GRM7: variants seen among roughly 807,000 people sequenced by gnomAD.
GRM7 encodes metabotropic glutamate receptor 7.
Under a neutral mutation model 84.5 loss-of-function variants are expected in GRM7, and 35 were observed. That is an observed-to-expected ratio of 0.41 (90% confidence interval 0.32 to 0.55). The LOEUF is 0.55. GRM7 is among the 20% of genes least tolerant of loss of function. GRM7 has a pLI of 0.19. For synonymous variants in GRM7, 487 were observed against 455.1 expected, an observed-to-expected ratio of 1.07 and a Z score of -0.89; for missense variants, 1,003 against 1,194.6, an observed-to-expected ratio of 0.84 and a Z score of 2.36.
intron 1 of GRM7, among the ~76,000 whole-genome samples, chr3:7,082,179 C>T (rs1574876855): frequency 6.6e-6 from 1 of 152,012 alleles, no homozygotes; most frequent in Non-Finnish European, 1.5e-5. Flanking sequence ...GAAATCAATG[C>T]CTGACTTCAA....
chr3:7,390,327 C>G (rs1266041984), intron 4 of GRM7, among the ~76,000 whole-genome samples: 4 of 151,876 alleles, frequency 2.6e-5, no homozygotes, highest in Non-Finnish European at 4.4e-5. Context: ...CATTATGTGC[C>G]TTGGGGTTGA....
chr3:7,480,747 A>G (rs76819383), intron 7 of GRM7, among the ~76,000 whole-genome samples: 2,179 of 152,280 alleles, frequency 0.014, 17 homozygotes, highest in Middle Eastern at 0.054. Flanking sequence ...ACTTTGCTGT[A>G]CATTCAGATC....
chr3:7,711,821 C>T (rs1312086438), intron 9 of GRM7, among the ~76,000 whole-genome samples: 1 of 152,212 alleles, frequency 6.6e-6, no homozygotes, highest in Non-Finnish European at 1.5e-5. Context: ...CAAGCCACTC[C>T]AAGGTGTTTC....
At chr3:6,958,634 C>A (rs17046466) in intron 1 of GRM7, among the ~76,000 whole-genome samples, 2 of 152,036 alleles carry the variant, frequency 1.3e-5, no homozygotes, top group Admixed American at 6.6e-5. Context: ...CTTACATAAC[C>A]GATGTCTGAC....
intron 4 of GRM7, among the ~76,000 whole-genome samples, chr3:7,344,967 T>A (rs553204970): frequency 6.6e-6 from 1 of 152,180 alleles, no homozygotes; most frequent in Non-Finnish European, 1.5e-5. Context: ...GTGATAGATA[T>A]GCTAATTATT....
At chr3:7,259,486 G>C (rs1698328453) in intron 2 of GRM7, among the ~76,000 whole-genome samples, 1 of 151,884 alleles carries the variant, frequency 6.6e-6, no homozygotes, top group Admixed American at 6.6e-5. Context: ...CCCCCTCTTT[G>C]TGTCCATGTG....
intron 4 of GRM7, among the ~76,000 whole-genome samples, chr3:7,317,629 A>T (rs1248029103): frequency 1.3e-5 from 2 of 152,126 alleles, no homozygotes; most frequent in Non-Finnish European, 2.9e-5. Flanking sequence ...TTGTGACAAA[A>T]AATAGCTAGG....
In GRM7 at chr3:7,237,493, G is replaced by A. The variant is rs1041727663; in HGVS notation, c.737-61191G>A. ...TGACTTCAAGCATGAAGCCGTGGAC[G>A]CTCGTGGTGAGTGTTACAGTTCTTA... On this transcript the variant is annotated intron_variant, in intron 2 of 9. Transcript: ENST00000357716. Among the ~76,000 whole-genome samples the A allele has an allele frequency of 2.0e-5, 3 of 151,968 alleles. No individual in the cohort carries two copies. The East Asian group carries it at 5.8e-4, about 29-fold the overall frequency.
At chr3:7,563,618 T>C (rs1003205726) in intron 7 of GRM7, among the ~76,000 whole-genome samples, 1 of 152,048 alleles carries the variant, frequency 6.6e-6, no homozygotes, top group African/African-American at 2.4e-5. Context: ...GTAAATAAAA[T>C]AATATAAATA....
At chr3:7,001,710 C>T (rs7621755) in intron 1 of GRM7, among the ~76,000 whole-genome samples, 5 of 152,110 alleles carry the variant, frequency 3.3e-5, no homozygotes, top group African/African-American at 9.7e-5. Context: ...TTGAACAGAA[C>T]GTGCTCAATG....
At chr3:6,986,236 C>T (rs1373109491) in intron 1 of GRM7, among the ~76,000 whole-genome samples, 2 of 152,240 alleles carry the variant, frequency 1.3e-5, no homozygotes, top group Middle Eastern at 3.4e-3. Flanking sequence ...ACCCAAAAAA[C>T]ACAAACGGAC....
rs189115047 is a variant in GRM7 at position 7,217,913 on chromosome 3, C to T, written c.736+71245C>T. Among the ~76,000 whole-genome samples, 311 of 151,560 alleles carry T rather than the reference C, an allele frequency of 2.1e-3. 4 individuals are homozygous for T. The highest frequency in any genetic ancestry group is 7.3e-3 in the African/African-American group (303 of 41,366). On this transcript the variant is annotated intron_variant, in intron 2 of 9. Transcript: ENST00000357716. The stretch of plus-strand genomic sequence containing the variant: ...GATTTTCTTTTATTATTTGTAACAC[C>T]GTGGTTATCCTCCCATATCCTTATT...
chr3:7,153,485 C>A (rs74502187), intron 2 of GRM7, among the ~76,000 whole-genome samples: 3,560 of 152,094 alleles, frequency 0.023, 125 homozygotes, highest in African/African-American at 0.08. Context: ...CACTCGATAC[C>A]CAGAGCAGTG....
intron 1 of GRM7, among the ~76,000 whole-genome samples, chr3:7,013,429 A>T (rs549231224): frequency 5.5e-4 from 84 of 152,282 alleles, no homozygotes; most frequent in Admixed American, 2.3e-3. Flanking sequence ...ATATTATTTT[A>T]TCCATAATAA....
intron 8 of GRM7, among the ~76,000 whole-genome samples, chr3:7,620,525 G>C (rs1055499667): frequency 1.3e-5 from 2 of 152,056 alleles, no homozygotes; most frequent in Admixed American, 6.6e-5. Context: ...AAGAACAGCA[G>C]TCCTCATTTT....
chr3:7,240,545 G>T (rs1697519760), intron 2 of GRM7, among the ~76,000 whole-genome samples: 1 of 152,244 alleles, frequency 6.6e-6, no homozygotes, highest in East Asian at 1.9e-4. Flanking sequence ...ATATATCAAA[G>T]ATCTAACTTG....
rs933618329 is a variant in GRM7 at position 6,862,437 on chromosome 3, A to C, written c.519+530A>C. 2.0e-5 allele frequency among the ~76,000 whole-genome samples: 3 copies of C among 151,970 alleles called. No homozygotes were observed. The highest frequency in any genetic ancestry group is 4.4e-5 in the Non-Finnish European group (3 of 67,988). Reference sequence around the variant, plus strand: ...GGGCTCCGTCTTAACCTAGATGTGGATGTTAAGTCCGCATCTCCCTCGGGC... The same window carrying C: ...GGGCTCCGTCTTAACCTAGATGTGGCTGTTAAGTCCGCATCTCCCTCGGGC... On this transcript the variant is annotated intron_variant, in intron 1 of 9. Transcript: ENST00000357716. This position sits in a 1 kb window ranked among gnomAD's most constrained non-coding sequence, Gnocchi z 5.2.
At chr3:7,141,007 C>T (rs1693928093) in intron 1 of GRM7, among the ~76,000 whole-genome samples, 2 of 151,920 alleles carry the variant, frequency 1.3e-5, no homozygotes. Flanking sequence ...TAAAGATAAG[C>T]TTCTTAATTT....
chr3:7,240,120 G>GTTTTTTTTTTTTTTTTTTTTTT (rs397988598), intron 2 of GRM7, among the ~76,000 whole-genome samples: 1 of 52,722 alleles, frequency 1.9e-5, no homozygotes. Context: ...AGCATGTGAG[G>GTTTTTTTTTTTTTTTTTTTTTT]TTTTTTTTTT....
Sources: allele counts gnomAD v4.1 joint callset (sites outside exome capture counted in the v4.1 genomes callset), GRCh38; gene constraint gnomAD v4.1.1; non-coding constraint Gnocchi (gnomAD v3.1); transcripts MANE v1.5; gene names NCBI Gene and HGNC (gene_info 2026-07-23, HGNC 2026-07-21).